CDH10: variants seen among roughly 807,000 people sequenced by gnomAD.
CDH10 encodes cadherin-10.
A neutral mutation model predicts 73.1 loss-of-function variants in CDH10; 30 were observed. The ratio of observed to expected loss-of-function variants is 0.41; its 90% CI spans 0.31 to 0.56. CDH10 has a LOEUF of 0.56. CDH10 is among the 20% of genes least tolerant of loss of function. CDH10 has a pLI of 0.27. For missense variants in CDH10, 815 were observed against 973.7 expected (o/e 0.84, Z 2.17); for synonymous variants, 345 against 348.2 (o/e 0.99, Z 0.10).
intron 2 of CDH10, among the ~76,000 whole-genome samples, chr5:24,544,066 A>G (rs1365893807): frequency 6.6e-6 from 1 of 152,048 alleles, no homozygotes; most frequent in Non-Finnish European, 1.5e-5. Context: ...GAGGCCGAGG[A>G]AGGCGGATCA....
intron 2 of CDH10, among the ~76,000 whole-genome samples, chr5:24,567,180 T>G (rs1237568732): frequency 6.6e-6 from 1 of 152,056 alleles, no homozygotes; most frequent in Non-Finnish European, 1.5e-5. Context: ...AATGACTCAT[T>G]GAAAGACTCT....
chr5:24,608,910 C>T (rs1232596512), intron 1 of CDH10, among the ~76,000 whole-genome samples: 1 of 152,178 alleles, frequency 6.6e-6, no homozygotes, highest in Non-Finnish European at 1.5e-5. Context: ...TCCCATAACA[C>T]ATTATGCATA....
chr5:24,512,992 C>T (rs1276650965), intron 5 of CDH10, among the ~76,000 whole-genome samples: 2 of 117,428 alleles, frequency 1.7e-5, no homozygotes, highest in East Asian at 5.9e-4. Context: ...CTTGCTTTCT[C>T]TCTTTCTTTT....
At chr5:24,528,861 C>T (rs1027037581) in intron 5 of CDH10, among the ~76,000 whole-genome samples, 3 of 151,932 alleles carry the variant, frequency 2.0e-5, no homozygotes, top group Non-Finnish European at 4.4e-5. Context: ...AGCCGAATAA[C>T]CTGGATCCGC....
chr5:24,570,536 T>C (rs1322909064), intron 2 of CDH10, among the ~76,000 whole-genome samples: 1 of 152,112 alleles, frequency 6.6e-6, no homozygotes, highest in Non-Finnish European at 1.5e-5. Context: ...GTTGACGTTA[T>C]CAAATTCCTA....
chr5:24,535,103 G>A lies in CDH10; in HGVS notation c.814+9C>T, dbSNP rs757351729. On this transcript the variant is annotated intron_variant, in intron 5 of 11. Transcript: ENST00000264463. Reference sequence around the variant, plus strand: ...TTGCCCGGCAGAATGACCATTAAAGGGTGCTTACTCTGGGGGAAACGTGGT... The same window carrying A: ...TTGCCCGGCAGAATGACCATTAAAGAGTGCTTACTCTGGGGGAAACGTGGT... The A allele has an allele frequency of 4.4e-6, 7 of 1,586,488 alleles. No individual in the cohort carries two copies. The highest frequency in any genetic ancestry group is 6.0e-6 in the Non-Finnish European group (7 of 1,170,634).
At chr5:24,605,398 T>C (rs550406954) in intron 1 of CDH10, among the ~76,000 whole-genome samples, 58 of 152,170 alleles carry the variant, frequency 3.8e-4, no homozygotes, top group Non-Finnish European at 7.3e-4. Flanking sequence ...GGAACTTTAT[T>C]ATGAACTGCA....
intron 2 of CDH10, among the ~76,000 whole-genome samples, chr5:24,562,249 A>G (rs1296438732): frequency 2.6e-4 from 40 of 152,122 alleles, no homozygotes; most frequent in Non-Finnish European, 1.9e-4. Context: ...TTATACATCC[A>G]TAATTTAAAA....
chr5:24,511,499 C>T lies in CDH10; in HGVS notation c.830G>A (p.Arg277Gln), dbSNP rs149518689. The change falls in exon 6 of 12, where the codon CGA (arginine) becomes CAA (glutamine). Residue 277 changes from arginine to glutamine, a missense_variant. By Grantham distance (43) the Arg-to-Gln change is conservative. This residue lies in a region of CDH10 where 516 missense variants were observed against 636.6 expected (regional missense o/e 0.81). Transcript: ENST00000264463. ...PRFPQNTIHL[R>Q]VLESSPVGTA... ...GCCAACTGGGGAGGATTCAAGAACTCGAAGATGAATAGTGTCTGTAAAGTA... is the reference window on the plus strand; with the variant it reads ...GCCAACTGGGGAGGATTCAAGAACTTGAAGATGAATAGTGTCTGTAAAGTA... The T allele has an allele frequency of 1.2e-5, 18 of 1,538,786 alleles. No individual in the cohort carries two copies. Among genetic ancestry groups the T allele is most frequent in the African/African-American group, 5.7e-5 (4 of 70,578 alleles).
chr5:24,529,979 A>G (rs1485692450), intron 5 of CDH10, among the ~76,000 whole-genome samples: 1 of 151,456 alleles, frequency 6.6e-6, no homozygotes, highest in Non-Finnish European at 1.5e-5. Context: ...GGATGTATGG[A>G]AAAGCACCTA....
At chr5:24,636,742 AATT>A (rs1747880501) in intron 1 of CDH10, among the ~76,000 whole-genome samples, 1 of 152,060 alleles carries the variant, frequency 6.6e-6, no homozygotes, top group Admixed American at 6.6e-5. Flanking sequence ...CCTGATACAT[AATT>A]CTCCTGTAGG....
At chr5:24,589,065 T>C (rs1189219616) in intron 2 of CDH10, among the ~76,000 whole-genome samples, 1 of 152,186 alleles carries the variant, frequency 6.6e-6, no homozygotes, top group African/African-American at 2.4e-5. Flanking sequence ...GTTATTCTTA[T>C]TATTTGCTGT....
intron 2 of CDH10, among the ~76,000 whole-genome samples, chr5:24,580,578 G>C (rs545396853): frequency 2.2e-4 from 34 of 152,038 alleles, no homozygotes; most frequent in Middle Eastern, 3.2e-3. Flanking sequence ...AACTTAGTTA[G>C]TATAATATCA....
rs145427973 is a variant in CDH10 at position 24,575,130 on chromosome 5, G to A, written c.231+18130C>T. On this transcript the variant is annotated intron_variant, in intron 2 of 11. Transcript: ENST00000264463. ...TAATCCCACCACTTTGAGAGGCTGAGGCAGGCAGATCACCTGAGGTCAGGA... is the reference window on the plus strand; with the variant it reads ...TAATCCCACCACTTTGAGAGGCTGAAGCAGGCAGATCACCTGAGGTCAGGA... Among the ~76,000 whole-genome samples the A allele has an allele frequency of 3.1e-3, 467 of 152,018 alleles. 2 individuals are homozygous for A. Among genetic ancestry groups the A allele is most frequent in the Non-Finnish European group, 4.6e-3 (312 of 67,976 alleles).
chr5:24,630,764 G>A (rs1328675190), intron 1 of CDH10, among the ~76,000 whole-genome samples: 1 of 151,754 alleles, frequency 6.6e-6, no homozygotes, highest in Admixed American at 6.6e-5. Flanking sequence ...TTACAAGAGA[G>A]GCAGAGAAGC....
At chr5:24,492,737 A>G (rs1054082306) in intron 10 of CDH10, 80 bp downstream of exon 10, 36 of 719,772 alleles carry the variant, frequency 5.0e-5, no homozygotes, top group Non-Finnish European at 7.9e-5. Flanking sequence ...TTGATATGGC[A>G]TATATATTGC....
chr5:24,487,463 G>C lies in CDH10; in HGVS notation c.*200C>G, dbSNP rs972834158. On this transcript the variant is annotated 3_prime_UTR_variant, in exon 12 of 12. Coordinates refer to ENST00000264463, the MANE Select transcript of CDH10 (RefSeq NM_006727.5). Reference sequence around the variant, plus strand: ...TTCCATAGCTTTGGCTCTTGGAAGTGATTAAATAAAATGTCATATATATTC... The same window carrying C: ...TTCCATAGCTTTGGCTCTTGGAAGTCATTAAATAAAATGTCATATATATTC... 1 of 531,124 alleles carries C rather than the reference G, an allele frequency of 1.9e-6. No individual in the cohort carries two copies. Among genetic ancestry groups the C allele is most frequent in the African/African-American group, 1.9e-5 (1 of 52,620 alleles). The allele number at this position is 531,124 out of a possible 1,614,324, so 32.9% of individuals were successfully genotyped here.
chr5:24,498,564 G>A (rs188047281), intron 8 of CDH10, 45 bp from the exon 9 acceptor site: 31 of 1,451,338 alleles, frequency 2.1e-5, no homozygotes, highest in Non-Finnish European at 2.9e-5. Context: ...ATAAATTGGT[G>A]CATCAAATTT....
intron 2 of CDH10, among the ~76,000 whole-genome samples, chr5:24,562,818 T>C (rs1283776797): frequency 6.6e-6 from 1 of 151,998 alleles, no homozygotes; most frequent in African/African-American, 2.4e-5. Context: ...AAATACCTTT[T>C]TTTAAAAAAA....
Sources: allele counts gnomAD v4.1 joint callset (sites outside exome capture counted in the v4.1 genomes callset), GRCh38; gene constraint gnomAD v4.1.1; regional missense constraint gnomAD v4.1.1; transcripts MANE v1.5; gene names NCBI Gene and HGNC (gene_info 2026-07-23, HGNC 2026-07-21).